The following DOCK5 variants were observed in gnomAD, a reference collection of about 807,000 sequenced individuals.
DOCK5 encodes the protein dedicator of cytokinesis 5.
Under a neutral mutation model 251.8 loss-of-function variants are expected in DOCK5, and 142 were observed. The observed-to-expected ratio is 0.56, with a 90% CI of 0.49 to 0.65. The LOEUF is 0.65. DOCK5 is among the 30% of genes least tolerant of loss of function. The pLI, the probability that DOCK5 is intolerant of heterozygous loss-of-function variation, is 0.00. For missense variants in DOCK5, 2,111 were observed against 2,312.3 expected (o/e 0.91, Z 1.79); for synonymous variants, 842 against 835.5 (o/e 1.01, Z -0.13).
At chr8:25,277,181 GTAAC>G in intron 4 of DOCK5, 1 of 154,090 alleles carries the variant, frequency 6.5e-6, no homozygotes, top group Non-Finnish European at 1.5e-5. Context: ...ACATTGGTCT[GTAAC>G]TGATAATAGG....
intron 26 of DOCK5, among the ~76,000 whole-genome samples, chr8:25,347,186 G>C (rs1800386407): frequency 1.3e-5 from 2 of 152,174 alleles, no homozygotes; most frequent in Non-Finnish European, 2.9e-5. Context: ...ACCACCGTTT[G>C]ACTACAGCCC....
In DOCK5 at chr8:25,342,487, G is replaced by T; in HGVS notation, c.2597G>T (p.Ser866Ile). Residue 866 changes from serine (S) to isoleucine (I), a missense_variant, in exon 25 of 52, where the codon AGC becomes ATC. Physicochemically the swap from Ser to Ile is moderately radical, Grantham distance 142. Coordinates refer to ENST00000276440, the MANE Select transcript of DOCK5 (RefSeq NM_024940.8). The stretch of plus-strand genomic sequence containing the variant: ...AACTGCATGACCAAGATAGTAGAGA[G>T]CACTCTTTTTCGACAGTCAGGTAAG... ...KLNCMTKIVE[S>I]TLFRQSECRE... The T allele has an allele frequency of 6.3e-7, 1 of 1,592,236 alleles. No individual in the cohort carries two copies. The highest frequency in any genetic ancestry group is 2.3e-5 in the East Asian group (1 of 44,144).
intron 35 of DOCK5, among the ~76,000 whole-genome samples, chr8:25,373,068 C>G (rs1443583985): frequency 2.0e-5 from 3 of 150,172 alleles, no homozygotes; most frequent in African/African-American, 7.4e-5. Context: ...GGTGCGATCT[C>G]AGCTCACCGC....
rs188465450 is a variant in DOCK5 at position 25,324,656 on chromosome 8, A to G, written c.1719+705A>G. On this transcript the variant is annotated intron_variant, in intron 17 of 51. Transcript: ENST00000276440. ...TAAAGTATAATTGTCCCCATTTTTTAATTACACTTCAAGTTTTAGGGTACA... is the reference window on the plus strand; with the variant it reads ...TAAAGTATAATTGTCCCCATTTTTTGATTACACTTCAAGTTTTAGGGTACA... Among the ~76,000 whole-genome samples the G allele has an allele frequency of 5.1e-4, 77 of 152,198 alleles. 1 individual carries two copies. The highest frequency in any genetic ancestry group is 1.8e-3 in the African/African-American group (74 of 41,530).
At chr8:25,334,810 G>T (rs186988240) in intron 21 of DOCK5, among the ~76,000 whole-genome samples, 56 of 152,010 alleles carry the variant, frequency 3.7e-4, no homozygotes, top group Non-Finnish European at 3.5e-4. Context: ...ACATCAAGGA[G>T]ATCAAACCAT....
chr8:25,372,532 C>G (rs774089123), intron 34 of DOCK5, 27 bp from the exon 35 acceptor site: 1 of 1,549,208 alleles, frequency 6.5e-7, no homozygotes, highest in Non-Finnish European at 8.7e-7. Context: ...GGAACCTGGG[C>G]TTTTGTCTCT....
At chr8:25,203,998 ATCT>A (rs1563306995) in intron 1 of DOCK5, among the ~76,000 whole-genome samples, 1 of 152,160 alleles carries the variant, frequency 6.6e-6, no homozygotes, top group African/African-American at 2.4e-5. Context: ...AGATGTCTTT[ATCT>A]TCTTGCTTTT....
Position 25,410,343 on chromosome 8 carries a change from C to G in DOCK5, c.5508+141C>G, listed in dbSNP as rs1372569093. On this transcript the variant is annotated intron_variant, in intron 51 of 51. Transcript: ENST00000276440. ...GATTCTTGGCTCATTCCTGAAACCA[C>G]AGGAGATAGAGAAGTTTTCAATGGG... 4.4e-6 allele frequency: 3 copies of G among 688,560 alleles called. No homozygotes were observed. The East Asian group carries it at 8.2e-5, about 19-fold the overall frequency. The allele number at this position is 688,560 out of a possible 1,614,324, so 42.7% of individuals were successfully genotyped here. A position where few individuals can be genotyped will look rare whatever the true frequency, so the allele number is the denominator to read the frequency against.
At chr8:25,259,779 G>T (rs1228831489) in intron 2 of DOCK5, among the ~76,000 whole-genome samples, 1 of 152,244 alleles carries the variant, frequency 6.6e-6, no homozygotes, top group African/African-American at 2.4e-5. Context: ...TTTAAGTAAG[G>T]TTGTTATATT....
intron 10 of DOCK5, among the ~76,000 whole-genome samples, chr8:25,303,738 G>C (rs1323132776): frequency 2.0e-5 from 3 of 152,138 alleles, no homozygotes; most frequent in African/African-American, 4.8e-5. Flanking sequence ...GAGGCAGGCA[G>C]ATCATCTGAG....
At chr8:25,294,696 A>C (rs762002040) in intron 6 of DOCK5, among the ~76,000 whole-genome samples, 7 of 152,126 alleles carry the variant, frequency 4.6e-5, no homozygotes, top group Non-Finnish European at 8.8e-5. Context: ...GCTATAAAGA[A>C]ATACCTGAGA....
At chr8:25,276,435 T>G (rs1804043819) in intron 4 of DOCK5, among the ~76,000 whole-genome samples, 1 of 152,080 alleles carries the variant, frequency 6.6e-6, no homozygotes, top group Admixed American at 6.6e-5. Flanking sequence ...GTGAGCTACT[T>G]AGTCTAAGTG....
chr8:25,278,789 C>T (rs1804112617), intron 5 of DOCK5, 124 bp downstream of exon 5: 1 of 853,198 alleles, frequency 1.2e-6, no homozygotes, highest in African/African-American at 1.7e-5. Flanking sequence ...CCCTGGATCA[C>T]ACAAAGGCTG....
intron 38 of DOCK5, 25 bp downstream of exon 38, chr8:25,377,449 T>C (rs1412763510): frequency 6.2e-7 from 1 of 1,608,168 alleles, no homozygotes; most frequent in Non-Finnish European, 8.5e-7. Context: ...GTTTTTGTAC[T>C]AGGGGAAAGA....
At chr8:25,240,222 C>G (rs1427402308) in intron 1 of DOCK5, among the ~76,000 whole-genome samples, 1 of 151,026 alleles carries the variant, frequency 6.6e-6, no homozygotes, top group African/African-American at 2.4e-5. Flanking sequence ...GTTCTTTTTT[C>G]CTGGAAAGAT....
At chr8:25,401,126 C>G (rs1801432185) in intron 47 of DOCK5, 60 bp downstream of exon 47, 5 of 1,588,632 alleles carry the variant, frequency 3.1e-6, no homozygotes, top group Admixed American at 3.5e-5. Flanking sequence ...TTTTATGACA[C>G]TGATTCGTTT....
In DOCK5 at chr8:25,281,800, AC is replaced by A. The variant is rs1804200215; in HGVS notation, c.321+3138del. Among the ~76,000 whole-genome samples the A allele has an allele frequency of 4.0e-5, 6 of 150,336 alleles. No individual in the cohort carries two copies. The South Asian group carries it at 1.3e-3, about 32-fold the overall frequency. On this transcript the variant is annotated intron_variant, in intron 5 of 51. Coordinates refer to ENST00000276440, the MANE Select transcript of DOCK5 (RefSeq NM_024940.8). ...AGGCTGAGGCAGAAGAATCACTTGA[AC>A]CCGAGAGGCGGAGGTTGCAGTGAGC...
chr8:25,346,971 G>GA (rs996371616), intron 26 of DOCK5, among the ~76,000 whole-genome samples: 4 of 151,334 alleles, frequency 2.6e-5, no homozygotes, highest in African/African-American at 7.3e-5. Context: ...TGAGGGCTGA[G>GA]AAAAAAAAAG....
rs1404676090 is a variant in DOCK5, at chr8:25,184,705, C to G, written c.-204C>G. On this transcript the variant is annotated 5_prime_UTR_variant, in exon 1 of 52. Coordinates refer to ENST00000276440, the MANE Select transcript of DOCK5 (RefSeq NM_024940.8). ...GGGGCGCGCACTGCTGCGCTGCAGC[C>G]CGGCCCAGCAGGTGACCGCGGGCGG... The G allele has an allele frequency of 5.4e-5, 11 of 203,346 alleles. No homozygotes were observed. Among genetic ancestry groups the G allele is most frequent in the African/African-American group, 2.6e-4 (11 of 41,956 alleles). 12.6% of individuals were successfully genotyped at this position (203,346 alleles called of 1,614,324 possible). A position where few individuals can be genotyped will look rare whatever the true frequency, so the allele number is the denominator to read the frequency against.
Sources: gnomAD v4.1 joint callset for allele counts (sites outside exome capture counted in the v4.1 genomes callset) on GRCh38, gnomAD v4.1.1 for gene constraint, MANE v1.5 for transcripts, NCBI Gene and HGNC (gene_info 2026-07-23, HGNC 2026-07-21) for gene names.